Variants in NCAPD3 observed in about 807,000 individuals in gnomAD.
NCAPD3 encodes condensin-2 complex subunit D3.
Under a neutral mutation model 182.9 loss-of-function variants are expected in NCAPD3, and 105 were observed. That is an observed-to-expected ratio of 0.57 (90% CI 0.49 to 0.68). The LOEUF (loss-of-function observed/expected upper bound fraction) is 0.68. Ranked by LOEUF, NCAPD3 falls within the 30% of genes least tolerant of loss-of-function variation. NCAPD3 has a pLI of 0.00. For missense variants in NCAPD3, 1,944 were observed against 1,837.0 expected (o/e 1.06, Z -1.07); for synonymous variants, 815 against 679.9 (o/e 1.20, Z -3.09).
At chr11:134,158,114 G>A (rs901343238) in intron 30 of NCAPD3, 47 bp from the exon 31 acceptor site, 4 of 1,598,670 alleles carry the variant, frequency 2.5e-6, no homozygotes, top group Non-Finnish European at 3.4e-6. Flanking sequence ...GCAGACCACT[G>A]CAGAGGTGAC....
chr11:134,184,546 T>C (rs1944358262), intron 19 of NCAPD3, 91 bp downstream of exon 19: 2 of 869,698 alleles, frequency 2.3e-6, no homozygotes, highest in Non-Finnish European at 3.5e-6. Context: ...TCCTCTTATT[T>C]ATAGAGAATG....
chr11:134,216,552 T>A (rs1443938822), intron 3 of NCAPD3, among the ~76,000 whole-genome samples: 1 of 151,566 alleles, frequency 6.6e-6, no homozygotes, highest in Non-Finnish European at 1.5e-5. Flanking sequence ...TATTTTTCAA[T>A]ACCAACATCG....
At position 134,206,546 on chromosome 11, in the gene NCAPD3, C is replaced by T. The variant is rs968181874; in HGVS notation, c.1016+53G>A. 3 of 1,600,072 alleles carry T rather than the reference C, an allele frequency of 1.9e-6. No individual in the cohort carries two copies. In the African/African-American group the frequency reaches 4.0e-5, roughly 22 times the overall value. ...GTATCAGAAATCTTAGTGCAGGGCC[C>T]AGAGTACTGAGGGAGACTGACAGGG... is the stretch of plus-strand genomic sequence containing the variant. On this transcript the variant is annotated intron_variant, in intron 8 of 34. Coordinates refer to ENST00000534548, the MANE Select transcript of NCAPD3 (RefSeq NM_015261.3).
chr11:134,210,294 C>T lies in NCAPD3; in HGVS notation c.543G>A (p.Lys181=), dbSNP rs1241855974. 1 of 1,613,482 alleles carries T rather than the reference C, an allele frequency of 6.2e-7. No homozygotes were observed. The highest frequency in any genetic ancestry group is 1.3e-5 in the African/African-American group (1 of 74,792). Residue 181 remains lysine, a synonymous_variant, in exon 4 of 35, where the codon AAG becomes AAA. Transcript: ENST00000534548. ...ANPGRHRKRG[K]PPRREDIEMD... ...CCTCAATATCTTCTCTCCTGGGTGG[C>T]TTTCCCCTTTTTCTATGCCTCCCGG...
intron 24 of NCAPD3, among the ~76,000 whole-genome samples, chr11:134,172,734 T>A (rs554738328): frequency 6.6e-6 from 1 of 152,246 alleles, no homozygotes; most frequent in East Asian, 1.9e-4. Flanking sequence ...TTGGGGTTTA[T>A]ACCAGCGATT....
chr11:134,205,196 G>C (rs978360689), intron 8 of NCAPD3, among the ~76,000 whole-genome samples: 4 of 152,044 alleles, frequency 2.6e-5, no homozygotes, highest in African/African-American at 9.7e-5. Flanking sequence ...TAAGTCATCA[G>C]GTAAGAACAA....
rs944605321 is a variant in NCAPD3 at position 134,150,726 on chromosome 11, A to G, written c.*2218T>C. On this transcript the variant is annotated 3_prime_UTR_variant, in exon 35 of 35. Transcript: ENST00000534548. ...CGAAATCAAGTCTGTCAAGTACAATAACATTTTTAAAAGAAAATGGATCCC... is the reference window on the plus strand; with the variant it reads ...CGAAATCAAGTCTGTCAAGTACAATGACATTTTTAAAAGAAAATGGATCCC... 2.6e-5 allele frequency: 4 copies of G among 152,134 alleles called. No homozygotes were observed. The highest frequency in any genetic ancestry group is 1.5e-5 in the Non-Finnish European group (1 of 68,012). The allele number at this position is 152,134 out of a possible 1,614,324, so 9.4% of individuals were successfully genotyped here. A position where few individuals can be genotyped will look rare whatever the true frequency, so the allele number is the denominator to read the frequency against.
At chr11:134,194,559 A>G in intron 14 of NCAPD3, 106 bp downstream of exon 14, 1 of 727,306 alleles carries the variant, frequency 1.4e-6, no homozygotes, top group Non-Finnish European at 2.2e-6. Context: ...CAGTTAGGCG[A>G]AAAGCAAATT....
rs1174554080 is a variant in NCAPD3 at position 134,167,033 on chromosome 11, TGGG to T, written c.3573+960_3573+962del. On this transcript the variant is annotated intron_variant, in intron 27 of 34. Coordinates refer to ENST00000534548, the MANE Select transcript of NCAPD3 (RefSeq NM_015261.3). Reference sequence around the variant, plus strand: ...TGCACACTCACTAGTGAGATGAGCTTGGGGGAGCTGCACACTCACTAGTGAGAT... The same window carrying T: ...TGCACACTCACTAGTGAGATGAGCTTGGAGCTGCACACTCACTAGTGAGAT... Among the ~76,000 whole-genome samples the T allele has an allele frequency of 6.5e-5, 6 of 92,986 alleles. No individual in the cohort carries two copies. In the East Asian group the frequency reaches 1.1e-3, roughly 17 times the overall value. The allele number at this position is 92,986 out of a possible 152,430, so 61.0% of individuals were successfully genotyped here. A position where few individuals can be genotyped will look rare whatever the true frequency, so the allele number is the denominator to read the frequency against.
chr11:134,210,347 CTT>C lies in NCAPD3; in HGVS notation c.488_489del (p.Lys163ArgfsTer4). ...TTAGCCTGAGAGCTCTTAGGCTGTT[CTT>C]TCTTTCTTTTCCGATTCAAGTTAGA... Reference protein sequence around the residue: ...QESNLNRKRKKEQPKSSQANP... With the variant: ...QESNLNRKRKXEQPKSSQANP... On this transcript the variant is annotated frameshift_variant, in exon 4 of 35. Transcript: ENST00000534548. LOFTEE classifies it high-confidence loss of function. The C allele has an allele frequency of 6.2e-7, 1 of 1,614,104 alleles. No homozygotes were observed. The highest frequency in any genetic ancestry group is 8.5e-7 in the Non-Finnish European group (1 of 1,179,976).
intron 1 of NCAPD3, chr11:134,223,244 C>G: frequency 1.7e-6 from 1 of 584,520 alleles, no homozygotes; most frequent in South Asian, 2.0e-5. Context: ...CATCAGAAAG[C>G]AGCTAAAATA....
At chr11:134,157,197 T>C in intron 31 of NCAPD3, 102 bp from the exon 32 acceptor site, 1 of 852,194 alleles carries the variant, frequency 1.2e-6, no homozygotes, top group Non-Finnish European at 1.8e-6. Flanking sequence ...AAAGTCAAAA[T>C]CACTAGTGTT....
At chr11:134,172,289 T>C (rs1186904552) in intron 24 of NCAPD3, among the ~76,000 whole-genome samples, 4 of 152,098 alleles carry the variant, frequency 2.6e-5, no homozygotes, top group Admixed American at 6.5e-5. Context: ...CCTGACTTCA[T>C]TGTTTCCAGT....
At position 134,207,529 on chromosome 11, in the gene NCAPD3, C is replaced by T. The variant is rs186098017; in HGVS notation, c.883-797G>A. Among the ~76,000 whole-genome samples, 573 of 152,052 alleles carry T rather than the reference C, an allele frequency of 3.8e-3. 6 individuals carry two copies. The highest frequency in any genetic ancestry group is 0.013 in the African/African-American group (543 of 41,512). Reference sequence around the variant, plus strand: ...TTGGGAAACCAAGGAGGGTGGATCACGAGGTCAAGAGATCAAGACCATCCT... The same window carrying T: ...TTGGGAAACCAAGGAGGGTGGATCATGAGGTCAAGAGATCAAGACCATCCT... On this transcript the variant is annotated intron_variant, in intron 7 of 34. Transcript: ENST00000534548.
At chr11:134,206,165 T>C (rs1419940394) in intron 8 of NCAPD3, among the ~76,000 whole-genome samples, 1 of 152,162 alleles carries the variant, frequency 6.6e-6, no homozygotes, top group Non-Finnish European at 1.5e-5. Context: ...AAGTCATTTC[T>C]ACAGAGGGAA....
intron 22 of NCAPD3, 71 bp downstream of exon 22, chr11:134,178,563 G>A: frequency 1.6e-6 from 2 of 1,218,442 alleles, no homozygotes; most frequent in East Asian, 4.7e-5. Flanking sequence ...ACAGTCCCAT[G>A]GCTGGGCTTA....
At chr11:134,178,323 T>C (rs141131552) in intron 22 of NCAPD3, among the ~76,000 whole-genome samples, 203 of 152,230 alleles carry the variant, frequency 1.3e-3, no homozygotes, top group African/African-American at 4.7e-3. Context: ...AGTGAAGGTA[T>C]TGAAAAAAAA....
At position 134,204,139 on chromosome 11, in the gene NCAPD3, T is replaced by C. The variant is rs369686439; in HGVS notation, c.1122A>G (p.Ala374=). 1.2e-6 allele frequency: 2 copies of C among 1,613,926 alleles called. No individual in the cohort carries two copies. Among genetic ancestry groups the C allele is most frequent in the African/African-American group, 1.3e-5 (1 of 74,918 alleles). Residue 374 remains alanine, a synonymous_variant, in exon 10 of 35, where the codon GCA becomes GCG. Coordinates refer to ENST00000534548, the MANE Select transcript of NCAPD3 (RefSeq NM_015261.3). This position sits in a 1 kb window ranked among gnomAD's most constrained non-coding sequence, Gnocchi z 4.3. ...TGAGCAGCTGGACTAGGGACTGGGCTGCAAAAGTACGATACTCTGATTTAT... is the reference window on the plus strand; with the variant it reads ...TGAGCAGCTGGACTAGGGACTGGGCCGCAAAAGTACGATACTCTGATTTAT... ...VVDKSEYRTF[A]AQSLVQLLSK...
chr11:134,171,918 T>TCC (rs1479143849), intron 24 of NCAPD3, among the ~76,000 whole-genome samples: 3 of 152,176 alleles, frequency 2.0e-5, no homozygotes, highest in Non-Finnish European at 4.4e-5. Flanking sequence ...CCCAGTGCCT[T>TCC]CCTGCCTTCA....
Sources: allele counts gnomAD v4.1 joint callset (sites outside exome capture counted in the v4.1 genomes callset), GRCh38; gene constraint gnomAD v4.1.1; non-coding constraint Gnocchi (gnomAD v3.1); transcripts MANE v1.5; gene names NCBI Gene and HGNC (gene_info 2026-07-23, HGNC 2026-07-21).